NCAPD3: variants seen among roughly 807,000 people sequenced by gnomAD.
NCAPD3 encodes non-SMC condensin II complex subunit D3.
NCAPD3 carries 105 observed loss-of-function variants against 182.9 expected under a neutral mutation model. That is an observed-to-expected ratio of 0.57 (90% CI 0.49 to 0.68). The LOEUF (loss-of-function observed/expected upper bound fraction) is 0.68, where lower values mean the gene tolerates loss of function less well. Among genes scored for constraint, NCAPD3 ranks in the 30% least tolerant of loss-of-function variants. NCAPD3 has a pLI of 0.00. For missense variants in NCAPD3, 1,944 were observed against 1,837.0 expected, an observed-to-expected ratio of 1.06 and a Z score of -1.07; for synonymous variants, 815 against 679.9, an observed-to-expected ratio of 1.20 and a Z score of -3.09.
At chr11:134,203,516 A>C in intron 11 of NCAPD3, 138 bp downstream of exon 11, 4 of 1,176,964 alleles carry the variant, frequency 3.4e-6, no homozygotes, top group Non-Finnish European at 4.7e-6. Context: ...GCAAGAAAAT[A>C]TACTAAAAAT....
chr11:134,171,039 T>C (rs574360521), intron 24 of NCAPD3, among the ~76,000 whole-genome samples: 1 of 151,480 alleles, frequency 6.6e-6, no homozygotes, highest in South Asian at 2.1e-4. Flanking sequence ...TAATGCTTCC[T>C]AGAACATTCC....
chr11:134,168,639 G>A (rs577233061), intron 25 of NCAPD3, 37 bp from the exon 26 acceptor site: 1 of 1,612,852 alleles, frequency 6.2e-7, no homozygotes, highest in Admixed American at 1.7e-5. Context: ...GCATCACATG[G>A]GCACGGGTGT....
At chr11:134,179,137 T>A (rs1208462997) in intron 20 of NCAPD3, among the ~76,000 whole-genome samples, 2 of 152,214 alleles carry the variant, frequency 1.3e-5, no homozygotes, top group African/African-American at 4.8e-5. Context: ...AGGGCAAGCA[T>A]ATAATTTTAT....
intron 16 of NCAPD3, among the ~76,000 whole-genome samples, chr11:134,190,004 G>A (rs762966337): frequency 1.8e-4 from 27 of 152,096 alleles, no homozygotes; most frequent in African/African-American, 6.5e-4. Flanking sequence ...ACTATTAAAT[G>A]GAAGTCATTT....
chr11:134,182,867 T>C (rs899172158), intron 19 of NCAPD3: 21 of 277,996 alleles, frequency 7.6e-5, no homozygotes, highest in South Asian at 5.8e-4. Flanking sequence ...GTCACATGGA[T>C]TGAAAATATC....
intron 13 of NCAPD3, among the ~76,000 whole-genome samples, chr11:134,198,899 A>G (rs971131426): frequency 5.3e-5 from 8 of 152,208 alleles, no homozygotes; most frequent in Non-Finnish European, 8.8e-5. Context: ...AAGAGCAACA[A>G]TGGTTCACTG....
chr11:134,153,162 A>C lies in NCAPD3; in HGVS notation c.4366T>G (p.Cys1456Gly). 6.2e-7 allele frequency: 1 copy of C among 1,614,132 alleles called. No individual in the cohort carries two copies. Residue 1456 changes from cysteine to glycine, a missense_variant, in exon 34 of 35, where the codon TGT becomes GGT. Coordinates refer to ENST00000534548, the MANE Select transcript of NCAPD3 (RefSeq NM_015261.3). ...TACGGTTTATCAGGCAGTGATAAAC[A>C]TAAGATGTCATTTCCTTGACTCCGG... ...EGRSQGNDIL[C>G]LSLPDKPPPQ...
rs1377864730 is a variant in NCAPD3, at chr11:134,153,561, C to A, written c.4253-198G>T. 6 of 617,850 alleles carry A rather than the reference C, an allele frequency of 9.7e-6. No homozygotes were observed. The South Asian group carries it at 1.1e-4, about 12-fold the overall frequency. 38.3% of individuals were successfully genotyped at this position (617,850 alleles called of 1,614,324 possible). Reference sequence around the variant, plus strand: ...GATGCTCCTTTCCGTCTCTCTGACCCCCTTCTCTGACCCGCAGCCCTCAGG... The same window carrying A: ...GATGCTCCTTTCCGTCTCTCTGACCACCTTCTCTGACCCGCAGCCCTCAGG... On this transcript the variant is annotated intron_variant, in intron 32 of 34. Coordinates refer to ENST00000534548, the MANE Select transcript of NCAPD3 (RefSeq NM_015261.3).
chr11:134,184,810 T>TATACACAC (rs752997177), intron 18 of NCAPD3, 58 bp from the exon 19 acceptor site: 24 of 1,009,810 alleles, frequency 2.4e-5, no homozygotes, highest in South Asian at 8.3e-5. Flanking sequence ...CAGGTATATA[T>TATACACAC]ACACACACAC....
chr11:134,205,228 C>A (rs573294958), intron 8 of NCAPD3, among the ~76,000 whole-genome samples: 1 of 152,260 alleles, frequency 6.6e-6, no homozygotes, highest in South Asian at 2.1e-4. Flanking sequence ...TCATACAATT[C>A]TTTTGACTAC....
chr11:134,166,855 A>ACTAG, intron 27 of NCAPD3, among the ~76,000 whole-genome samples: 1 of 89,710 alleles, frequency 1.1e-5, no homozygotes. Flanking sequence ...GCGCACACTC[A>ACTAG]TGAGAGGAGC....
chr11:134,183,316 C>T (rs1268123927), intron 19 of NCAPD3, among the ~76,000 whole-genome samples: 1 of 152,190 alleles, frequency 6.6e-6, no homozygotes, highest in Admixed American at 6.5e-5. Flanking sequence ...CGCCTGTAAT[C>T]CCAGCACTTT....
chr11:134,165,051 TTAG>T (rs1398956037), intron 27 of NCAPD3, among the ~76,000 whole-genome samples: 1 of 144,998 alleles, frequency 6.9e-6, no homozygotes, highest in East Asian at 2.2e-4. Context: ...CTGCACACAC[TTAG>T]ATTAGCTGAG....
rs1944285587 is a variant in NCAPD3 at position 134,181,102 on chromosome 11, G to A, written c.2534C>T (p.Thr845Ile). ...CAACAGGTCTTCGTCCATATTCCCT[G>A]TTCCATTCTCCTTGAGAACGATGTT... ...LSNIVLKENG[T>I]GNMDEDLLVK... The change falls in exon 20 of 35, where the codon ACA becomes ATA. Residue 845 changes from threonine (T) to isoleucine (I), a missense_variant. Transcript: ENST00000534548. 6.2e-7 allele frequency: 1 copy of A among 1,613,830 alleles called. No homozygotes were observed. The highest frequency in any genetic ancestry group is 8.5e-7 in the Non-Finnish European group (1 of 1,179,842).
At chr11:134,167,944 G>C in intron 27 of NCAPD3, 52 bp downstream of exon 27, 4 of 1,549,026 alleles carry the variant, frequency 2.6e-6, no homozygotes, top group South Asian at 1.2e-5. Flanking sequence ...GAGCTTAGGG[G>C]AGCAGCACAC....
In NCAPD3 at chr11:134,204,142, A is replaced by C; in HGVS notation, c.1119T>G (p.Phe373Leu). Reference sequence around the variant, plus strand: ...GCAGCTGGACTAGGGACTGGGCTGCAAAAGTACGATACTCTGATTTATCTA... The same window carrying C: ...GCAGCTGGACTAGGGACTGGGCTGCCAAAGTACGATACTCTGATTTATCTA... ...KVVDKSEYRT[F>L]AAQSLVQLLS... The change falls in exon 10 of 35, where the codon TTT becomes TTG. Residue 373 changes from phenylalanine (F) to leucine (L), a missense_variant. Phe to Leu is a conservative substitution (Grantham distance 22). Coordinates refer to ENST00000534548, the MANE Select transcript of NCAPD3 (RefSeq NM_015261.3). This position sits in a 1 kb window ranked among gnomAD's most constrained non-coding sequence, Gnocchi z 4.3. 1 of 1,614,124 alleles carries C rather than the reference A, an allele frequency of 6.2e-7. No individual in the cohort carries two copies.
At position 134,212,540 on chromosome 11, in the gene NCAPD3, T is replaced by C. The variant is rs146025664; in HGVS notation, c.383-2086A>G. Among the ~76,000 whole-genome samples, 1,469 of 152,042 alleles carry C rather than the reference T, an allele frequency of 9.7e-3. 8 individuals are homozygous for C. Among genetic ancestry groups the C allele is most frequent in the Middle Eastern group, 0.037 (11 of 294 alleles). On this transcript the variant is annotated intron_variant, in intron 3 of 34. Transcript: ENST00000534548. ...CTCCTGAGTAGCATGCGTTACCACA[T>C]TGGGCTAATTTTCATTTTTTGTTTT...
At chr11:134,173,519 T>A (rs1457755990) in intron 24 of NCAPD3, 2 of 153,478 alleles carry the variant, frequency 1.3e-5, no homozygotes, top group African/African-American at 2.4e-5. Flanking sequence ...ATAGCAGCAC[T>A]GGGGCGGCCC....
chr11:134,203,098 T>A (rs764702160), intron 12 of NCAPD3, 44 bp downstream of exon 12: 6 of 1,434,978 alleles, frequency 4.2e-6, no homozygotes, highest in Non-Finnish European at 4.8e-6. Flanking sequence ...CACAAATTTT[T>A]AAAAGATAAT....
Sources: allele counts gnomAD v4.1 joint callset (sites outside exome capture counted in the v4.1 genomes callset), GRCh38; gene constraint gnomAD v4.1.1; non-coding constraint Gnocchi (gnomAD v3.1); transcripts MANE v1.5; gene names NCBI Gene and HGNC (gene_info 2026-07-23, HGNC 2026-07-21).